The following NCOR1 variants were observed in gnomAD, a reference collection of about 807,000 sequenced individuals.
NCOR1 encodes nuclear receptor corepressor 1, also known as protein phosphatase 1, regulatory subunit 109.
NCOR1 carries 63 observed loss-of-function variants against 288.1 expected under a neutral mutation model. The observed-to-expected ratio is 0.22, with a 90% confidence interval of 0.18 to 0.27. NCOR1 has a LOEUF of 0.27. NCOR1 is among the 10% of genes least tolerant of loss of function. NCOR1 has a pLI of 1.00. For synonymous variants in NCOR1, 1,007 were observed against 1,065.9 expected, an observed-to-expected ratio of 0.94 and a Z score of 1.08; for missense variants, 2,397 against 3,019.2, an observed-to-expected ratio of 0.79 and a Z score of 4.83.
chr17:16,182,595 T>C (rs951715832), intron 3 of NCOR1, among the ~76,000 whole-genome samples: 5 of 152,084 alleles, frequency 3.3e-5, no homozygotes, highest in East Asian at 1.9e-4. Context: ...GCTGGGACTA[T>C]AGGTGCCCAC....
chr17:16,116,998 G>T (rs561404638), intron 18 of NCOR1, among the ~76,000 whole-genome samples: 11 of 152,236 alleles, frequency 7.2e-5, no homozygotes, highest in African/African-American at 2.6e-4. Flanking sequence ...AATAACATTT[G>T]ATTGATATTT....
chr17:16,164,417 G>A (rs571198739), intron 5 of NCOR1, among the ~76,000 whole-genome samples: 2 of 152,092 alleles, frequency 1.3e-5, no homozygotes, highest in African/African-American at 2.4e-5. Flanking sequence ...TAGACAAAAC[G>A]CTTGAACAAT....
At chr17:16,116,385 T>G (rs1455805390) in intron 18 of NCOR1, among the ~76,000 whole-genome samples, 1 of 152,258 alleles carries the variant, frequency 6.6e-6, no homozygotes, top group Non-Finnish European at 1.5e-5. Flanking sequence ...GCATTTGCTA[T>G]TATTACCACT....
intron 1 of NCOR1, among the ~76,000 whole-genome samples, chr17:16,207,026 C>A (rs762679717): frequency 6.6e-6 from 1 of 152,074 alleles, no homozygotes; most frequent in Non-Finnish European, 1.5e-5. Context: ...CTTCCTCCCC[C>A]CCAACAGAAT....
chr17:16,072,654 T>C (rs1039079946), intron 28 of NCOR1, among the ~76,000 whole-genome samples: 1 of 152,174 alleles, frequency 6.6e-6, no homozygotes, highest in Non-Finnish European at 1.5e-5. Context: ...GAGTTGTAAA[T>C]AACCTCCTAA....
In NCOR1 at chr17:16,214,447, G is replaced by A. The variant is rs140758582; in HGVS notation, c.-71+915C>T. 1.4e-3 allele frequency among the ~76,000 whole-genome samples: 206 copies of A among 152,272 alleles called. 1 individual carries two copies. The highest frequency in any genetic ancestry group is 4.7e-3 in the African/African-American group (197 of 41,548). On this transcript the variant is annotated intron_variant, in intron 1 of 45. Transcript: ENST00000268712. ...CCTCACCAGGGTGCACACAAGGAAT[G>A]TAAATTTCAATATAATTAGGATATA... is the stretch of plus-strand genomic sequence containing the variant.
intron 1 of NCOR1, among the ~76,000 whole-genome samples, chr17:16,195,872 C>T (rs981998690): frequency 1.9e-4 from 29 of 152,092 alleles, no homozygotes; most frequent in African/African-American, 7.0e-4. Context: ...TTCAGGATAG[C>T]ACAAATGTTT....
At chr17:16,202,400 CAAAA>C (rs1193307384) in intron 1 of NCOR1, among the ~76,000 whole-genome samples, 1 of 112,934 alleles carries the variant, frequency 8.9e-6, no homozygotes, top group Non-Finnish European at 1.9e-5. Context: ...GACTTCATCT[CAAAA>C]AAAAAAAAAA....
In NCOR1 at chr17:16,194,710, C is replaced by G. The variant is rs565185491; in HGVS notation, c.-70-71G>C. The stretch of plus-strand genomic sequence containing the variant: ...CAAGTGTACTTCTAATAAATTATAA[C>G]TATAGCTACATAAATAAAACCACAA... On this transcript the variant is annotated intron_variant, in intron 1 of 45. Coordinates refer to ENST00000268712, the MANE Select transcript of NCOR1 (RefSeq NM_006311.4). 1.3e-4 allele frequency: 61 copies of G among 478,306 alleles called. 1 individual carries two copies. In the South Asian group the frequency reaches 2.2e-3, roughly 17 times the overall value. 29.6% of individuals were successfully genotyped at this position (478,306 alleles called of 1,614,324 possible).
chr17:16,196,145 AT>A (rs1341639325), intron 1 of NCOR1, among the ~76,000 whole-genome samples: 1 of 149,076 alleles, frequency 6.7e-6, no homozygotes, highest in Non-Finnish European at 1.5e-5. Context: ...ATATATAAAA[AT>A]ATAACATATA....
At chr17:16,040,294 AAACCTTCCTTCACT>A in intron 43 of NCOR1, 133 bp downstream of exon 43, 3 of 729,542 alleles carry the variant, frequency 4.1e-6, no homozygotes, top group Non-Finnish European at 7.3e-6. Flanking sequence ...GCTACTGGGT[AAACCTTCCTTCACT>A]AAATTATTTA....
chr17:16,146,345 T>C (rs774453361), intron 10 of NCOR1, 31 bp downstream of exon 10: 5 of 1,549,012 alleles, frequency 3.2e-6, no homozygotes, highest in Admixed American at 2.1e-5. Flanking sequence ...TGAAGAAAAA[T>C]ATCACAGTCA....
intron 3 of NCOR1, among the ~76,000 whole-genome samples, chr17:16,174,816 T>C (rs1192041054): frequency 6.6e-6 from 1 of 152,174 alleles, no homozygotes; most frequent in Non-Finnish European, 1.5e-5. Flanking sequence ...TGGTATACTT[T>C]GAAAACGATC....
In NCOR1 at chr17:16,137,392, C is replaced by T. The variant is rs1006544738; in HGVS notation, c.1428G>A (p.Leu476=). Residue 476 remains leucine (L), a synonymous_variant, in exon 14 of 46, where the codon TTG becomes TTA. Transcript: ENST00000268712. The part of the protein sequence containing the change: ...LERKSVPDCV[L]YYYLTKKNEN... ...CATTTTTCTTGGTTAAATAGTAATA[C>T]AAAACACAATCAGGAACACTCTGTA... is the stretch of plus-strand genomic sequence containing the variant. 1.8e-5 allele frequency: 29 copies of T among 1,567,622 alleles called. No homozygotes were observed. The highest frequency in any genetic ancestry group is 2.4e-5 in the Non-Finnish European group (28 of 1,149,042).
chr17:16,068,237 TC>T, intron 31 of NCOR1, 116 bp from the exon 32 acceptor site: 1 of 839,784 alleles, frequency 1.2e-6, no homozygotes. Flanking sequence ...ATCTTCTCTT[TC>T]CACTCAACAT....
intron 1 of NCOR1, among the ~76,000 whole-genome samples, chr17:16,205,852 G>A (rs1253888919): frequency 4.0e-5 from 6 of 149,758 alleles, no homozygotes; most frequent in Non-Finnish European, 1.5e-5. Context: ...CAGGAGAATC[G>A]CTTGAACCCA....
chr17:16,075,259 T>C (rs2062294550), intron 27 of NCOR1, among the ~76,000 whole-genome samples: 5 of 152,226 alleles, frequency 3.3e-5, no homozygotes, highest in Admixed American at 3.3e-4. Flanking sequence ...AAAGGCTCTT[T>C]ACCTAAGCTA....
chr17:16,082,284 C>A (rs1453137802), intron 23 of NCOR1, among the ~76,000 whole-genome samples: 2 of 151,942 alleles, frequency 1.3e-5, no homozygotes, highest in Non-Finnish European at 2.9e-5. Context: ...ATAAGATACG[C>A]AAAGAAACAT....
intron 19 of NCOR1, among the ~76,000 whole-genome samples, chr17:16,103,710 C>T (rs999310068): frequency 6.6e-6 from 1 of 152,208 alleles, no homozygotes; most frequent in South Asian, 2.1e-4. Context: ...ACTCAAACAT[C>T]ACATGCTTAA....
Sources: allele counts gnomAD v4.1 joint callset (sites outside exome capture counted in the v4.1 genomes callset), GRCh38; gene constraint gnomAD v4.1.1; transcripts MANE v1.5; gene names NCBI Gene and HGNC (gene_info 2026-07-23, HGNC 2026-07-21).